The following ESRRB variants were observed in gnomAD, a reference collection of about 807,000 sequenced individuals.
ESRRB encodes estrogen related receptor beta, also known as steroid hormone receptor ERR2.
Under a neutral mutation model 46.0 loss-of-function variants are expected in ESRRB, and 16 were observed. That is an observed-to-expected ratio of 0.35 (90% CI 0.24 to 0.53). The LOEUF (loss-of-function observed/expected upper bound fraction) is 0.53, where lower values mean the gene tolerates loss of function less well. Ranked by LOEUF, ESRRB falls within the 20% of genes least tolerant of loss-of-function variation. The pLI is 0.93. For synonymous variants in ESRRB, 246 were observed against 259.6 expected, an observed-to-expected ratio of 0.95 and a Z score of 0.50; for missense variants, 488 against 607.4, an observed-to-expected ratio of 0.80 and a Z score of 2.07.
chr14:76,496,696 C>A (rs1310002279), intron 6 of ESRRB, among the ~76,000 whole-genome samples: 1 of 152,168 alleles, frequency 6.6e-6, no homozygotes, highest in Non-Finnish European at 1.5e-5. Flanking sequence ...CTAGCAGCAG[C>A]CCTCAGGGCG....
chr14:76,445,189 G>T (rs966804933), intron 2 of ESRRB, among the ~76,000 whole-genome samples: 1 of 147,530 alleles, frequency 6.8e-6, no homozygotes, highest in Non-Finnish European at 1.5e-5. Flanking sequence ...AAAAAAAGCG[G>T]CCGGGTGCGA....
At chr14:76,494,307 C>CTTTT (rs34982499) in intron 6 of ESRRB, among the ~76,000 whole-genome samples, 17 of 142,298 alleles carry the variant, frequency 1.2e-4, no homozygotes, top group African/African-American at 2.6e-4. Context: ...TACAGAATAA[C>CTTTT]TTTTTTTTTT....
chr14:76,423,489 G>C (rs1383183217), intron 1 of ESRRB, among the ~76,000 whole-genome samples: 1 of 152,150 alleles, frequency 6.6e-6, no homozygotes, highest in African/African-American at 2.4e-5. Context: ...GATCGAAACT[G>C]ATGGCAAGGT....
At chr14:76,385,429 A>T (rs1885185550) in intron 1 of ESRRB, among the ~76,000 whole-genome samples, 1 of 152,204 alleles carries the variant, frequency 6.6e-6, no homozygotes, top group South Asian at 2.1e-4. Flanking sequence ...ATGAATAATA[A>T]AAACCAATCA....
At position 76,329,378 on chromosome 14, in the gene ESRRB, C is replaced by T. The variant is rs148879064; in HGVS notation, c.2+18462C>T. Among the ~76,000 whole-genome samples, 476 of 152,292 alleles carry T rather than the reference C, an allele frequency of 3.1e-3. 3 individuals are homozygous for T. Among genetic ancestry groups the T allele is most frequent in the African/African-American group, 8.3e-3 (344 of 41,544 alleles). On this transcript the variant is annotated intron_variant, in intron 1 of 6. Transcript: ENST00000512784. ...CCAGTTCCCCATTCCCGTCCCTCTG[C>T]AGGGAGCTGGGAGGTTCCGTGAATC...
chr14:76,405,026 T>C (rs61979396), intron 1 of ESRRB, among the ~76,000 whole-genome samples: 41,290 of 152,100 alleles, frequency 0.27, 5,971 homozygotes, highest in Admixed American at 0.4. Flanking sequence ...TGTATTTACA[T>C]AGACACGAAC....
intron 2 of ESRRB, among the ~76,000 whole-genome samples, chr14:76,443,147 T>TC (rs1281188832): frequency 1.3e-5 from 2 of 152,108 alleles, no homozygotes; most frequent in East Asian, 1.9e-4. Context: ...ATGAGCCCTT[T>TC]TAAAAAAATA....
At chr14:76,491,011 G>T (rs1890202250) in intron 5 of ESRRB, among the ~76,000 whole-genome samples, 1 of 152,130 alleles carries the variant, frequency 6.6e-6, no homozygotes, top group South Asian at 2.1e-4. Context: ...AAATACCAAA[G>T]CCTCCCCTGG....
upstream of ESRRB, among the ~76,000 whole-genome samples, chr14:76,367,892 G>A (rs138264988): frequency 1.2e-3 from 187 of 151,264 alleles, 1 homozygote; most frequent in African/African-American, 4.3e-3. Context: ...CCCTGCAGAA[G>A]GCCTTTGTCC....
chr14:76,366,225 C>A (rs1487888168), intron 1 of ESRRB, among the ~76,000 whole-genome samples: 1 of 152,124 alleles, frequency 6.6e-6, no homozygotes, highest in Non-Finnish European at 1.5e-5. Context: ...GAAAGAGAAA[C>A]TCCTGTAAAA....
chr14:76,417,182 G>C (rs1450600786), intron 1 of ESRRB, among the ~76,000 whole-genome samples: 1 of 152,100 alleles, frequency 6.6e-6, no homozygotes, highest in Non-Finnish European at 1.5e-5. Context: ...GTATCGATAG[G>C]GGTCAGGGTG....
chr14:76,459,124 C>T (rs1408536747), intron 2 of ESRRB, among the ~76,000 whole-genome samples: 6 of 152,152 alleles, frequency 3.9e-5, no homozygotes, highest in East Asian at 3.9e-4. Context: ...GGATTACAGG[C>T]GTGAGCCACC....
At chr14:76,340,835 G>A (rs541305296) in intron 1 of ESRRB, among the ~76,000 whole-genome samples, 1 of 152,316 alleles carries the variant, frequency 6.6e-6, no homozygotes, top group East Asian at 1.9e-4. Flanking sequence ...CTCTGGCTTG[G>A]AGGTGATGGA....
chr14:76,332,899 TTATATA>T (rs1884053477), intron 1 of ESRRB, among the ~76,000 whole-genome samples: 3 of 10,976 alleles, frequency 2.7e-4, no homozygotes, highest in African/African-American at 5.9e-4. Flanking sequence ...TATTTATATA[TTATATA>T]CTTATATATT....
At chr14:76,413,970 C>CCCGCCCCGGCACCGTCCG (rs1886562507) in intron 1 of ESRRB, among the ~76,000 whole-genome samples, 1 of 71,066 alleles carries the variant, frequency 1.4e-5, no homozygotes, top group Non-Finnish European at 2.8e-5. Flanking sequence ...CTGCACCGTC[C>CCCGCCCCGGCACCGTCCG]CCGCCCCTGC....
Position 76,438,632 on chromosome 14 carries a change from C to G in ESRRB, c.51-709C>G, listed in dbSNP as rs527359931. Among the ~76,000 whole-genome samples, 37 of 151,690 alleles carry G rather than the reference C, an allele frequency of 2.4e-4. 1 individual carries two copies. The South Asian group carries it at 7.5e-3, about 31-fold the overall frequency. On this transcript the variant is annotated intron_variant, in intron 1 of 6. Coordinates refer to ENST00000644823, the MANE Select transcript of ESRRB (RefSeq NM_001379180.1). Reference sequence around the variant, plus strand: ...TAAGCCGAGATTGGGCCATTGCACTCCAGCCTAGGCGACGGAGCGAGACTC... The same window carrying G: ...TAAGCCGAGATTGGGCCATTGCACTGCAGCCTAGGCGACGGAGCGAGACTC...
intron 1 of ESRRB, among the ~76,000 whole-genome samples, chr14:76,312,262 T>C (rs1486978197): frequency 1.3e-5 from 2 of 152,214 alleles, no homozygotes; most frequent in African/African-American, 4.8e-5. Flanking sequence ...TCTAACTCGA[T>C]GAAAGTTAAA....
At chr14:76,387,796 G>T (rs997502274) in intron 1 of ESRRB, among the ~76,000 whole-genome samples, 2 of 152,214 alleles carry the variant, frequency 1.3e-5, no homozygotes, top group Non-Finnish European at 1.5e-5. Context: ...ATCATTTTAG[G>T]ATTTGATGTA....
At chr14:76,337,433 T>C (rs1190923396) in intron 1 of ESRRB, among the ~76,000 whole-genome samples, 1 of 152,080 alleles carries the variant, frequency 6.6e-6, no homozygotes, top group Non-Finnish European at 1.5e-5. Context: ...TGCCTCCAGA[T>C]CAAGGGAATT....
Sources: gnomAD v4.1 joint callset for allele counts (sites outside exome capture counted in the v4.1 genomes callset) on GRCh38, gnomAD v4.1.1 for gene constraint, MANE v1.5 for transcripts, NCBI Gene and HGNC (gene_info 2026-07-23, HGNC 2026-07-21) for gene names.